The following MARF1 variants were observed in gnomAD, a reference collection of about 807,000 sequenced individuals.
MARF1 encodes the protein meiosis regulator and mRNA stability factor 1.
MARF1 carries 24 observed loss-of-function variants against 168.2 expected under a neutral mutation model. The ratio of observed to expected loss-of-function variants is 0.14; its 90% CI spans 0.10 to 0.20. The LOEUF (loss-of-function observed/expected upper bound fraction) is 0.20. MARF1 is among the 10% of genes least tolerant of loss of function. The pLI is 1.00. For synonymous variants in MARF1, 868 were observed against 822.4 expected (o/e 1.06, Z -0.95); for missense variants, 1,744 against 2,143.6 (o/e 0.81, Z 3.68).
chr16:15,613,722 T>C (rs1470320350), intron 16 of MARF1, among the ~76,000 whole-genome samples: 1 of 145,328 alleles, frequency 6.9e-6, no homozygotes, highest in Non-Finnish European at 1.5e-5. Context: ...AAGTGGAGGC[T>C]TGTGGGCTCA....
intron 6 of MARF1, among the ~76,000 whole-genome samples, 156 bp downstream of exon 6, chr16:15,631,225 A>G (rs1417571867): frequency 6.6e-6 from 1 of 152,080 alleles, no homozygotes; most frequent in Admixed American, 6.6e-5. Context: ...CCTAGACCCA[A>G]TTTTTTTTCT....
Position 15,599,044 on chromosome 16 carries a change from C to A in MARF1, c.4814-20G>T. 1 of 1,604,214 alleles carries A rather than the reference C, an allele frequency of 6.2e-7. No homozygotes were observed. The highest frequency in any genetic ancestry group is 8.5e-7 in the Non-Finnish European group (1 of 1,176,964). On this transcript the variant is annotated intron_variant, in intron 25 of 26. Transcript: ENST00000396368. Reference sequence around the variant, plus strand: ...TGGGCCCTGGGCAAACAAGGAGGGCCGTGACACCACAGGACCTCCACGCCC... The same window carrying A: ...TGGGCCCTGGGCAAACAAGGAGGGCAGTGACACCACAGGACCTCCACGCCC...
intron 25 of MARF1, 61 bp downstream of exon 25, chr16:15,600,367 C>A (rs1423481433): frequency 7.5e-6 from 12 of 1,607,984 alleles, no homozygotes; most frequent in Non-Finnish European, 1.0e-5. Context: ...CTCTCCCCGA[C>A]CCCAAAGCCG....
intron 5 of MARF1, 70 bp from the exon 6 acceptor site, chr16:15,631,568 TA>T: frequency 2.0e-6 from 2 of 1,013,140 alleles, no homozygotes. Flanking sequence ...ATTCTGCCCA[TA>T]TTTTTTATTT....
intron 25 of MARF1, among the ~76,000 whole-genome samples, chr16:15,599,661 G>A (rs1349333426): frequency 6.6e-6 from 1 of 152,164 alleles, no homozygotes; most frequent in Non-Finnish European, 1.5e-5. Flanking sequence ...AAGTCCTTCA[G>A]AAAAGTTAGA....
At chr16:15,615,047 C>T (rs891914716) in intron 16 of MARF1, among the ~76,000 whole-genome samples, 1 of 152,136 alleles carries the variant, frequency 6.6e-6, no homozygotes, top group African/African-American at 2.4e-5. Context: ...TCCCAGAGTG[C>T]TGGGATTACA....
chr16:15,615,714 T>C (rs2033991754), intron 16 of MARF1, 116 bp downstream of exon 16: 14 of 658,406 alleles, frequency 2.1e-5, no homozygotes, highest in Non-Finnish European at 3.3e-5. Flanking sequence ...AAAGGACACA[T>C]CCATGGTGTT....
chr16:15,612,465 C>T, intron 17 of MARF1, 92 bp downstream of exon 17: 3 of 1,135,124 alleles, frequency 2.6e-6, no homozygotes, highest in East Asian at 4.7e-5. Flanking sequence ...GAACTGACTT[C>T]TTAGGAATTA....
At chr16:15,620,260 A>C (rs2034361258) in intron 13 of MARF1, among the ~76,000 whole-genome samples, 191 bp downstream of exon 13, 1 of 152,212 alleles carries the variant, frequency 6.6e-6, no homozygotes, top group African/African-American at 2.4e-5. Context: ...CCAAAGGTCT[A>C]ACTTTGTTAA....
chr16:15,599,065 C>T (rs1319539295), intron 25 of MARF1, 41 bp from the exon 26 acceptor site: 4 of 1,587,362 alleles, frequency 2.5e-6, no homozygotes, highest in African/African-American at 1.4e-5. Flanking sequence ...AGGACCTCCA[C>T]GCCCACCCCC....
intron 7 of MARF1, among the ~76,000 whole-genome samples, chr16:15,629,080 G>A (rs2035070274): frequency 6.6e-6 from 1 of 150,978 alleles, no homozygotes; most frequent in Non-Finnish European, 1.5e-5. Context: ...TGTCGACCAG[G>A]CTGGAGTGCA....
At chr16:15,620,679 A>G in intron 12 of MARF1, 148 bp from the exon 13 acceptor site, 2 of 578,046 alleles carry the variant, frequency 3.5e-6, no homozygotes. Context: ...GAAAAATTTA[A>G]AGAAAGGATT....
At chr16:15,630,196 G>T in intron 7 of MARF1, 136 bp downstream of exon 7, 1 of 642,066 alleles carries the variant, frequency 1.6e-6, no homozygotes, top group African/African-American at 1.8e-5. Context: ...AGGTTTCTAA[G>T]CCTTACTTCA....
At position 15,635,840 on chromosome 16, in the gene MARF1, T is replaced by G. The variant is rs377588367; in HGVS notation, c.647A>C (p.Gln216Pro). Residue 216 changes from glutamine to proline, a missense_variant, in exon 3 of 27, where the codon CAG (glutamine) becomes CCG (proline). Coordinates refer to ENST00000396368, the MANE Select transcript of MARF1 (RefSeq NM_014647.4). ...VHKLHQFPSL[Q>P]GCTSAGYFPC... ...GAAATAGCCAGCGGAGGTGCAGCCC[T>G]GCAGACTCGGAAACTGATGCAGCTT... The G allele has an allele frequency of 5.6e-6, 9 of 1,614,210 alleles. No individual in the cohort carries two copies. The highest frequency in any genetic ancestry group is 7.6e-6 in the Non-Finnish European group (9 of 1,180,044).
chr16:15,639,768 A>C (rs2035831831), intron 1 of MARF1, among the ~76,000 whole-genome samples: 1 of 152,254 alleles, frequency 6.6e-6, no homozygotes, highest in Admixed American at 6.5e-5. Flanking sequence ...ACAAAATATC[A>C]GAGCATATTA....
chr16:15,638,928 G>T (rs1233832359), intron 2 of MARF1, among the ~76,000 whole-genome samples, 162 bp downstream of exon 2: 1 of 152,172 alleles, frequency 6.6e-6, no homozygotes, highest in Non-Finnish European at 1.5e-5. Flanking sequence ...AAATTGTGCT[G>T]TGCTCTCACA....
chr16:15,596,592 G>T lies in MARF1; in HGVS notation c.*101C>A. 1.6e-6 allele frequency: 2 copies of T among 1,250,178 alleles called. No homozygotes were observed. The highest frequency in any genetic ancestry group is 1.1e-6 in the Non-Finnish European group (1 of 921,286). The allele number at this position is 1,250,178 out of a possible 1,614,324, so 77.4% of individuals were successfully genotyped here. ...GGTAAGATGAAGTCAATGGCTTCGG[G>T]GGGTTTTCATGACACAGAAAAGGAT... On this transcript the variant is annotated 3_prime_UTR_variant, in exon 27 of 27. Coordinates refer to ENST00000396368, the MANE Select transcript of MARF1 (RefSeq NM_014647.4).
chr16:15,605,178 A>C (rs1412676411), intron 21 of MARF1, among the ~76,000 whole-genome samples: 2 of 152,208 alleles, frequency 1.3e-5, no homozygotes, highest in Non-Finnish European at 1.5e-5. Context: ...AAACAGGCAG[A>C]GCTTTGGCAC....
In MARF1 at chr16:15,617,541, A is replaced by G. The variant is rs2034156033; in HGVS notation, c.2721-6T>C. 2 of 1,590,568 alleles carry G rather than the reference A, an allele frequency of 1.3e-6. No homozygotes were observed. The highest frequency in any genetic ancestry group is 1.3e-5 in the African/African-American group (1 of 74,206). ...CATTCAACTTGTGTCCAAACCTAAA[A>G]GCAAGAGAAGAGAGACGCTGACTTA... On this transcript the variant is annotated splice_polypyrimidine_tract_variant and splice_region_variant and intron_variant, in intron 13 of 26. Coordinates refer to ENST00000396368, the MANE Select transcript of MARF1 (RefSeq NM_014647.4).
Sources: allele counts gnomAD v4.1 joint callset (sites outside exome capture counted in the v4.1 genomes callset), GRCh38; gene constraint gnomAD v4.1.1; transcripts MANE v1.5; gene names NCBI Gene and HGNC (gene_info 2026-07-23, HGNC 2026-07-21).